Variants in PCDHGB3 observed in about 807,000 individuals in gnomAD.
The protein encoded by PCDHGB3 is protocadherin gamma-B3.
In PCDHGB3, 40 loss-of-function variants were observed where a neutral mutation model predicts 59.2. The observed-to-expected ratio is 0.68, with a 90% CI of 0.52 to 0.88. The LOEUF is 0.88. PCDHGB3 is among the 40% of genes least tolerant of loss of function. The pLI, the probability that PCDHGB3 is intolerant of heterozygous loss-of-function variation, is 0.00. For synonymous variants in PCDHGB3, 581 were observed against 503.6 expected (o/e 1.15, Z -2.06); for missense variants, 1,309 against 1,187.9 (o/e 1.10, Z -1.50).
At chr5:141,427,958 G>A (rs1266312663) in intron 1 of PCDHGB3, 3 of 1,588,290 alleles carry the variant, frequency 1.9e-6, no homozygotes, top group Admixed American at 1.7e-5. Context: ...ACAATGTGCC[G>A]CGGGTGCTGT....
intron 2 of PCDHGB3, among the ~76,000 whole-genome samples, chr5:141,502,238 T>A (rs2099813398): frequency 6.6e-6 from 1 of 152,204 alleles, no homozygotes; most frequent in Non-Finnish European, 1.5e-5. Flanking sequence ...TGTGTTCTTT[T>A]ATCCTTTTTT....
Position 141,431,135 on chromosome 5 carries a change from A to G in PCDHGB3, c.2415+58326A>G, listed in dbSNP as rs140069213. The G allele has an allele frequency of 1.5e-5, 24 of 1,614,266 alleles. No homozygotes were observed. In the African/African-American group the frequency reaches 3.1e-4, roughly 21 times the overall value. Reference sequence around the variant, plus strand: ...TGGAGTAGAAGTAGAAGTAAGGGACATTAACGACAATGCGCCTTACTTTCG... The same window carrying G: ...TGGAGTAGAAGTAGAAGTAAGGGACGTTAACGACAATGCGCCTTACTTTCG... On this transcript the variant is annotated intron_variant, in intron 1 of 3. Transcript: ENST00000576222. This position sits in a 1 kb window ranked among gnomAD's most constrained non-coding sequence, Gnocchi z 4.8.
Position 141,495,011 on chromosome 5 carries a change from G to A in PCDHGB3, c.2474+146G>A, listed in dbSNP as rs2099758277. On this transcript the variant is annotated intron_variant, in intron 2 of 3. Coordinates refer to ENST00000576222, the MANE Select transcript of PCDHGB3 (RefSeq NM_018924.5). ...CCAGGGAGGTCTTGGTGTGCGGGGG[G>A]CTGGCACACAGACCCCGGAAGGAAG... is the stretch of plus-strand genomic sequence containing the variant. 4.6e-6 allele frequency: 7 copies of A among 1,512,044 alleles called. No individual in the cohort carries two copies. In the East Asian group the frequency reaches 1.5e-4, roughly 32 times the overall value. 93.7% of individuals were successfully genotyped at this position (1,512,044 alleles called of 1,614,324 possible).
rs151119016 is a variant in PCDHGB3, at chr5:141,489,949, G to C, written c.2416-4858G>C. On this transcript the variant is annotated intron_variant, in intron 1 of 3. Transcript: ENST00000576222. The surrounding 1 kb of genome is among the most constrained non-coding windows in gnomAD (Gnocchi z 4.5). ...CTCTGTCATCGTGCTGGACATCAAT[G>C]ATAATGCTCCAACCTTCCAATCCTC... is the stretch of plus-strand genomic sequence containing the variant. 1 of 1,614,198 alleles carries C rather than the reference G, an allele frequency of 6.2e-7. No individual in the cohort carries two copies. Among genetic ancestry groups the C allele is most frequent in the Non-Finnish European group, 8.5e-7 (1 of 1,180,028 alleles).
At chr5:141,508,324 G>A (rs1668975090) in intron 3 of PCDHGB3, 1 of 151,252 alleles carries the variant, frequency 6.6e-6, no homozygotes, top group African/African-American at 2.4e-5. Flanking sequence ...GAGGGGCACT[G>A]GAGAACTGAC....
intron 1 of PCDHGB3, chr5:141,392,784 A>G: frequency 6.5e-7 from 1 of 1,546,632 alleles, no homozygotes. Context: ...CACAGTGAAG[A>G]TTCTGAGAGG....
intron 1 of PCDHGB3, among the ~76,000 whole-genome samples, chr5:141,450,564 G>A (rs1397334260): frequency 2.0e-5 from 3 of 151,932 alleles, no homozygotes; most frequent in African/African-American, 7.3e-5. Context: ...TCGGCTCACT[G>A]CAACTTCTGC....
At chr5:141,408,747 T>C (rs1589683971) in intron 1 of PCDHGB3, 1 of 1,609,868 alleles carries the variant, frequency 6.2e-7, no homozygotes, top group Non-Finnish European at 8.5e-7. Flanking sequence ...TCATTAATGG[T>C]TAGAGTTAAT....
At chr5:141,500,250 C>T (rs913074120) in intron 2 of PCDHGB3, among the ~76,000 whole-genome samples, 4 of 149,826 alleles carry the variant, frequency 2.7e-5, no homozygotes, top group African/African-American at 9.9e-5. Flanking sequence ...GCTCTGTCAC[C>T]CAGGCTGGAC....
chr5:141,377,556 A>T (rs1171611330), intron 1 of PCDHGB3: 1 of 151,728 alleles, frequency 6.6e-6, no homozygotes, highest in African/African-American at 2.4e-5. Context: ...TAATTGTGTC[A>T]CTGCACCCTA....
chr5:141,418,224 T>C (rs756997971), intron 1 of PCDHGB3: 1 of 1,613,998 alleles, frequency 6.2e-7, no homozygotes, highest in Non-Finnish European at 8.5e-7. Flanking sequence ...GTCATTGTGG[T>C]GATTGAGGAT....
intron 1 of PCDHGB3, among the ~76,000 whole-genome samples, chr5:141,381,671 T>TGCTGCAGCCAAGACAA (rs1777346396): frequency 6.6e-6 from 1 of 152,206 alleles, no homozygotes; most frequent in Non-Finnish European, 1.5e-5. Flanking sequence ...TATAGCTGAT[T>TGCTGCAGCCAAGACAA]GCTGCAGCCA....
Position 141,477,704 on chromosome 5 carries a change from C to T in PCDHGB3, c.2416-17103C>T, listed in dbSNP as rs772195653. 30 of 1,613,968 alleles carry T rather than the reference C, an allele frequency of 1.9e-5. No homozygotes were observed. Among genetic ancestry groups the T allele is most frequent in the Admixed American group, 6.7e-5 (4 of 60,026 alleles). On this transcript the variant is annotated intron_variant, in intron 1 of 3. Transcript: ENST00000576222. This position sits in a 1 kb window ranked among gnomAD's most constrained non-coding sequence, Gnocchi z 4.9. Reference sequence around the variant, plus strand: ...CTTAGTGCCCCTAGACTATGAGGATCGGCGGGAATTTGAATTAACAGCTCA... The same window carrying T: ...CTTAGTGCCCCTAGACTATGAGGATTGGCGGGAATTTGAATTAACAGCTCA...
At position 141,430,677 on chromosome 5, in the gene PCDHGB3, T is replaced by C. The variant is rs888907330; in HGVS notation, c.2415+57868T>C. On this transcript the variant is annotated intron_variant, in intron 1 of 3. Coordinates refer to ENST00000576222, the MANE Select transcript of PCDHGB3 (RefSeq NM_018924.5). ...AACGGAGGAGCTCTGACTTCCCAAC[T>C]GTCCCATTCTATGGGCGAAGGAACT... 1.2e-5 allele frequency: 15 copies of C among 1,303,020 alleles called. No individual in the cohort carries two copies. In the African/African-American group the frequency reaches 2.1e-4, roughly 18 times the overall value. The allele number at this position is 1,303,020 out of a possible 1,614,324, so 80.7% of individuals were successfully genotyped here. A position where few individuals can be genotyped will look rare whatever the true frequency, so the allele number is the denominator to read the frequency against.
intron 3 of PCDHGB3, among the ~76,000 whole-genome samples, chr5:141,509,066 C>A (rs1215686419): frequency 6.6e-6 from 1 of 152,172 alleles, no homozygotes; most frequent in Non-Finnish European, 1.5e-5. Context: ...GCTCTCAGCT[C>A]CGGGGATTTG....
intron 1 of PCDHGB3, among the ~76,000 whole-genome samples, chr5:141,430,253 T>G (rs2097270288): frequency 9.8e-6 from 1 of 102,050 alleles, no homozygotes; most frequent in Admixed American, 1.0e-4. Context: ...TAGGGAGACA[T>G]CTCCATAATA....
In PCDHGB3 at chr5:141,415,612, G is replaced by A. The variant is rs745660439; in HGVS notation, c.2415+42803G>A. 12 of 1,612,854 alleles carry A rather than the reference G, an allele frequency of 7.4e-6. No homozygotes were observed. The South Asian group carries it at 1.2e-4, about 16-fold the overall frequency. ...TATAGAGGATACCCCATTGGTTCCA[G>A]TGAGTTTTATTTTCATTTTTACTTT... On this transcript the variant is annotated intron_variant, in intron 1 of 3. Transcript: ENST00000576222.
At position 141,491,518 on chromosome 5, in the gene PCDHGB3, A is replaced by G. The variant is rs756813813; in HGVS notation, c.2416-3289A>G. 3 of 1,613,990 alleles carry G rather than the reference A, an allele frequency of 1.9e-6. No individual in the cohort carries two copies. The highest frequency in any genetic ancestry group is 3.3e-5 in the Admixed American group (2 of 60,028). ...GAGCTCGGACGGCACGCTCAAGTAC[A>G]TGGAGGTGACGCTGCGGCCCACAGA... On this transcript the variant is annotated intron_variant, in intron 1 of 3. Transcript: ENST00000576222. This position sits in a 1 kb window ranked among gnomAD's most constrained non-coding sequence, Gnocchi z 6.9.
At chr5:141,508,737 C>G (rs919094477) in intron 3 of PCDHGB3, among the ~76,000 whole-genome samples, 2 of 152,010 alleles carry the variant, frequency 1.3e-5, no homozygotes, top group Non-Finnish European at 2.9e-5. Flanking sequence ...CTACACCCCC[C>G]ACCCCGCTCT....
Sources: gnomAD v4.1 joint callset for allele counts (sites outside exome capture counted in the v4.1 genomes callset) on GRCh38, gnomAD v4.1.1 for gene constraint, Gnocchi (gnomAD v3.1) non-coding constraint, MANE v1.5 for transcripts, NCBI Gene and HGNC (gene_info 2026-07-23, HGNC 2026-07-21) for gene names.